The following ARID3C variants were observed in gnomAD, a reference collection of about 807,000 sequenced individuals.
The protein encoded by ARID3C is AT-rich interaction domain 3C, also known as AT-rich interactive domain-containing protein 3C.
Under a neutral mutation model 37.9 loss-of-function variants are expected in ARID3C, and 42 were observed. The observed-to-expected ratio is 1.11, with a 90% confidence interval of 0.87 to 1.43. The LOEUF is 1.43. ARID3C is among the 40% of genes most tolerant of loss of function. The pLI, the probability that ARID3C is intolerant of heterozygous loss-of-function variation, is 0.00. For synonymous variants in ARID3C, 213 were observed against 228.0 expected, an observed-to-expected ratio of 0.93 and a Z score of 0.59; for missense variants, 581 against 548.8, an observed-to-expected ratio of 1.06 and a Z score of -0.59.
chr9:34,622,254 C>G (rs1820579483), intron 5 of ARID3C, 93 bp downstream of exon 6: 6 of 1,568,774 alleles, frequency 3.8e-6, no homozygotes, highest in Admixed American at 1.7e-5. Flanking sequence ...ACAGAGGAAT[C>G]TGTCTGCCCC....
At chr9:34,622,060 A>G (rs771028918) in exon 6 of ARID3C, 247 of 1,613,958 alleles carry the variant, frequency 1.5e-4, no homozygotes, top group Non-Finnish European at 2.0e-4. Flanking sequence ...CCATGTTGAT[A>G]CTGCTGATGC....
intron 1 of ARID3C, 124 bp downstream of exon 2, chr9:34,627,573 C>T (rs1275820682): frequency 2.4e-6 from 2 of 850,732 alleles, no homozygotes; most frequent in South Asian, 1.9e-5. Context: ...GTCTCCGTGT[C>T]TCTGTGTCTC....
chr9:34,628,245 G>T, upstream of ARID3C: 1 of 508,000 alleles, frequency 2.0e-6, no homozygotes, highest in Non-Finnish European at 3.4e-6. This position sits in a 1 kb window ranked among gnomAD's most constrained non-coding sequence, Gnocchi z 5.2. Context: ...CAGACCCGGG[G>T]AATCAAATGG....
chr9:34,629,240 A>AT (rs1252453638), upstream of ARID3C, among the ~76,000 whole-genome samples: 2 of 152,118 alleles, frequency 1.3e-5, no homozygotes, highest in Admixed American at 6.5e-5. Context: ...TCGTGCGAAA[A>AT]TGAGGGCTCT....
chr9:34,622,498 T>C, exon 5 of ARID3C: 1 of 1,610,960 alleles, frequency 6.2e-7, no homozygotes, highest in Non-Finnish European at 8.5e-7. Context: ...CCACAGGCAG[T>C]GCCAGACAAG....
intron 2 of ARID3C, among the ~76,000 whole-genome samples, chr9:34,625,243 C>T (rs993730383): frequency 6.6e-6 from 1 of 152,156 alleles, no homozygotes; most frequent in Non-Finnish European, 1.5e-5. Context: ...ACCCTTCTTG[C>T]GTTCTCCTCC....
At chr9:34,623,110 C>T (rs1474960966) in intron 4 of ARID3C, among the ~76,000 whole-genome samples, 1 of 144,528 alleles carries the variant, frequency 6.9e-6, no homozygotes, top group Admixed American at 7.2e-5. Context: ...CGCGCCACTG[C>T]ACTCCAGCCT....
chr9:34,625,477 G>T (rs1209319995), intron 2 of ARID3C, among the ~76,000 whole-genome samples: 1 of 152,142 alleles, frequency 6.6e-6, no homozygotes, highest in Non-Finnish European at 1.5e-5. Flanking sequence ...CTGATTCTGG[G>T]ACCCTCCCAC....
chr9:34,621,355 C>G, downstream of ARID3C: 1 of 824,468 alleles, frequency 1.2e-6, no homozygotes, highest in Non-Finnish European at 1.8e-6. Context: ...GTCGTCCCCT[C>G]CCAGGGCTGG....
intron 4 of ARID3C, 151 bp downstream of exon 5, chr9:34,623,274 G>T: frequency 1.1e-6 from 1 of 899,662 alleles, no homozygotes; most frequent in Non-Finnish European, 1.5e-6. Flanking sequence ...AAACCTTAGT[G>T]ACCCCCAAAC....
chr9:34,625,376 G>A (rs1302137089), intron 2 of ARID3C, among the ~76,000 whole-genome samples: 2 of 152,162 alleles, frequency 1.3e-5, no homozygotes, highest in African/African-American at 4.8e-5. Context: ...TGTAGAGCAC[G>A]TGAGGTGTCC....
At chr9:34,623,317 A>C in intron 4 of ARID3C, 108 bp downstream of exon 5, 1 of 1,318,792 alleles carries the variant, frequency 7.6e-7, no homozygotes. Flanking sequence ...CTGCTCCCAT[A>C]CCTCAATGCC....
chr9:34,624,179 C>G lies in ARID3C; in HGVS notation c.392-132G>C, dbSNP rs959484827. 34 of 1,113,948 alleles carry G rather than the reference C, an allele frequency of 3.1e-5. No homozygotes were observed. The African/African-American group carries it at 3.7e-4, about 12-fold the overall frequency. The allele number at this position is 1,113,948 out of a possible 1,614,324, so 69.0% of individuals were successfully genotyped here. ...AGACTTGGGCGGAGCCCACAGAACC[C>G]CAGGGTCTCTGTTTTAGCAAGAAGG... is the stretch of plus-strand genomic sequence containing the variant. On this transcript the variant is annotated intron_variant, in intron 2 of 6. Coordinates refer to ENST00000378909, the Ensembl canonical transcript of ARID3C.
upstream of ARID3C, among the ~76,000 whole-genome samples, chr9:34,632,377 T>G (rs2132318450): frequency 6.6e-6 from 1 of 151,008 alleles, no homozygotes; most frequent in East Asian, 2.0e-4. Context: ...AAGGGGTGAG[T>G]GGTTGGAATG....
chr9:34,621,894 C>T (rs1820569225), intron 6 of ARID3C, 126 bp downstream of exon 7: 9 of 977,376 alleles, frequency 9.2e-6, no homozygotes, highest in South Asian at 8.7e-5. Flanking sequence ...ATCCCCTGAA[C>T]TCCATGTTAC....
intron 1 of ARID3C, among the ~76,000 whole-genome samples, chr9:34,626,381 T>A (rs556137599): frequency 6.6e-6 from 1 of 152,144 alleles, no homozygotes; most frequent in Non-Finnish European, 1.5e-5. Context: ...TCTGATTTCC[T>A]TTCAGAGGCA....
chr9:34,627,715 G>A lies in ARID3C; in HGVS notation c.300C>T (p.Tyr100=), dbSNP rs141084271. Reference sequence around the variant, plus strand: ...GTCCTACCTGCTTGAATTGTTCCTCGTAGGTCCACTCGTGGGGATGGAGTC... The same window carrying A: ...GTCCTACCTGCTTGAATTGTTCCTCATAGGTCCACTCGTGGGGATGGAGTC... Residue 100 remains tyrosine (Y), a synonymous_variant, in exon 1 of 7, where the codon TAC becomes TAT. Transcript: ENST00000378909. 1.4e-4 allele frequency: 228 copies of A among 1,612,356 alleles called. No individual in the cohort carries two copies. In the East Asian group the frequency reaches 4.0e-3, roughly 28 times the overall value.
At chr9:34,629,624 T>C (rs1820704889), upstream of ARID3C, among the ~76,000 whole-genome samples, 1 of 152,244 alleles carries the variant, frequency 6.6e-6, no homozygotes. Context: ...CCCACACCTA[T>C]GCACTCACAC....
Position 34,628,040 on chromosome 9 carries a change from G to C in ARID3C, c.-26C>G. 6.9e-7 allele frequency: 1 copy of C among 1,456,318 alleles called. No homozygotes were observed. Among genetic ancestry groups the C allele is most frequent in the Non-Finnish European group, 9.1e-7 (1 of 1,104,572 alleles). The allele number at this position is 1,456,318 out of a possible 1,614,324, so 90.2% of individuals were successfully genotyped here. A position where few individuals can be genotyped will look rare whatever the true frequency, so the allele number is the denominator to read the frequency against. On this transcript the variant is annotated 5_prime_UTR_variant, in exon 1 of 7. Coordinates refer to ENST00000378909, the Ensembl canonical transcript of ARID3C. This position sits in a 1 kb window ranked among gnomAD's most constrained non-coding sequence, Gnocchi z 5.2. ...GACAGCTTCCAGGCGCAGTCCCCCA[G>C]CTGAGGGGGTCCCTGGTACCAGGCG...
Sources: allele counts gnomAD v4.1 joint callset (sites outside exome capture counted in the v4.1 genomes callset), GRCh38; gene constraint gnomAD v4.1.1; non-coding constraint Gnocchi (gnomAD v3.1); transcripts MANE v1.5; gene names NCBI Gene and HGNC (gene_info 2026-07-23, HGNC 2026-07-21).